BTBD7: variants seen among roughly 807,000 people sequenced by gnomAD.
BTBD7 encodes BTB domain containing 7.
Under a neutral mutation model 99.9 loss-of-function variants are expected in BTBD7, and 38 were observed. The observed-to-expected ratio is 0.38, with a 90% CI of 0.29 to 0.50. The LOEUF (loss-of-function observed/expected upper bound fraction) is 0.50, where lower values mean the gene tolerates loss of function less well. Ranked by LOEUF, BTBD7 falls within the 20% of genes least tolerant of loss-of-function variation. The probability of loss-of-function intolerance (pLI) is 0.93; values close to 1 mark genes in which losing one functional copy is unlikely to be tolerated. For missense variants in BTBD7, 1,170 were observed against 1,394.6 expected (o/e 0.84, Z 2.57); for synonymous variants, 520 against 511.4 (o/e 1.02, Z -0.23).
chr14:93,287,228 C>CAAA (rs528012658), intron 3 of BTBD7, among the ~76,000 whole-genome samples: 56 of 126,852 alleles, frequency 4.4e-4, no homozygotes, highest in African/African-American at 1.7e-3. Flanking sequence ...GACTCTGTCT[C>CAAA]AAAAAAAAAA....
rs1325008416 is a variant in BTBD7, at chr14:93,240,752, A to G, written c.*1521T>C. 1 of 152,668 alleles carries G rather than the reference A, an allele frequency of 6.6e-6. No homozygotes were observed. Among genetic ancestry groups the G allele is most frequent in the Non-Finnish European group, 1.5e-5 (1 of 68,046 alleles). 9.5% of individuals were successfully genotyped at this position (152,668 alleles called of 1,614,324 possible). On this transcript the variant is annotated 3_prime_UTR_variant, in exon 11 of 11. Transcript: ENST00000334746. The stretch of plus-strand genomic sequence containing the variant: ...GAGAGTAAGAAAAAAAACAGTCCTT[A>G]GCTCACACATTGCCCTTCCAAGGGA...
At chr14:93,276,928 A>G (rs61245829) in intron 3 of BTBD7, among the ~76,000 whole-genome samples, 25,878 of 120,680 alleles carry the variant, frequency 0.21, 3,804 homozygotes, top group African/African-American at 0.45. Flanking sequence ...TTGAGATGGA[A>G]TCTCACTCTG....
At chr14:93,276,665 C>T (rs1235552707) in intron 3 of BTBD7, among the ~76,000 whole-genome samples, 1 of 152,074 alleles carries the variant, frequency 6.6e-6, no homozygotes, top group Non-Finnish European at 1.5e-5. Flanking sequence ...GGGAAAGAGG[C>T]AATCACTGAG....
chr14:93,277,038 AT>A (rs2052664310), intron 3 of BTBD7, among the ~76,000 whole-genome samples: 1 of 150,480 alleles, frequency 6.6e-6, no homozygotes, highest in Admixed American at 6.7e-5. Context: ...AGTAGCTCGG[AT>A]TACAGGCACG....
intron 1 of BTBD7, among the ~76,000 whole-genome samples, chr14:93,315,440 TG>T (rs1273327762): frequency 1.3e-5 from 2 of 152,232 alleles, no homozygotes; most frequent in Non-Finnish European, 2.9e-5. Context: ...GACTTTTTAC[TG>T]AATTTCTTGA....
At chr14:93,298,204 TCTTA>T (rs2139776578) in intron 1 of BTBD7, among the ~76,000 whole-genome samples, 1 of 152,286 alleles carries the variant, frequency 6.6e-6, no homozygotes, top group Non-Finnish European at 1.5e-5. Flanking sequence ...AATTTACTAC[TCTTA>T]CTTTAACACG....
intron 1 of BTBD7, among the ~76,000 whole-genome samples, chr14:93,297,489 ATAT>A (rs2052943418): frequency 6.6e-6 from 1 of 152,118 alleles, no homozygotes; most frequent in Non-Finnish European, 1.5e-5. Context: ...TGCCTGGCTA[ATAT>A]TTGTATTTTT....
chr14:93,290,685 AT>A (rs1412804360), intron 3 of BTBD7, among the ~76,000 whole-genome samples: 3 of 144,364 alleles, frequency 2.1e-5, no homozygotes, highest in Non-Finnish European at 4.6e-5. Context: ...ACCCAGCTAA[AT>A]TTTTTTGTAT....
chr14:93,260,642 C>T (rs1055024230), intron 5 of BTBD7, among the ~76,000 whole-genome samples: 19 of 152,124 alleles, frequency 1.2e-4, no homozygotes, highest in Non-Finnish European at 2.9e-5. Context: ...CAACCTCTGC[C>T]TCCCGGGTTC....
Position 93,294,579 on chromosome 14 carries a change from T to C in BTBD7, c.441A>G (p.Ile147Met), listed in dbSNP as rs780340179. 8.7e-6 allele frequency: 14 copies of C among 1,613,780 alleles called. No homozygotes were observed. The highest frequency in any genetic ancestry group is 7.7e-5 in the South Asian group (7 of 91,040). Residue 147 changes from isoleucine to methionine, a missense_variant, in exon 3 of 11, where the codon ATA becomes ATG. Physicochemically the swap from Ile to Met is conservative, Grantham distance 10 (BLOSUM62 1). Coordinates refer to ENST00000334746, the MANE Select transcript of BTBD7 (RefSeq NM_001002860.4). Reference protein sequence around the residue: ...EYKYCTDVDLIFQETCFPVHR... With the variant: ...EYKYCTDVDLMFQETCFPVHR... ...GAACAGGAAAACAAGTTTCTTGAAATATTAAGTCTACATCAGTACAATACT... is the reference window on the plus strand; with the variant it reads ...GAACAGGAAAACAAGTTTCTTGAAACATTAAGTCTACATCAGTACAATACT...
intron 3 of BTBD7, among the ~76,000 whole-genome samples, chr14:93,271,275 A>G (rs374036696): frequency 1.3e-5 from 2 of 152,156 alleles, no homozygotes; most frequent in Admixed American, 6.5e-5. Flanking sequence ...TTGTTTCACC[A>G]ATACCAGTGG....
chr14:93,277,478 C>G (rs1047432340), intron 3 of BTBD7, among the ~76,000 whole-genome samples: 2 of 152,164 alleles, frequency 1.3e-5, no homozygotes, highest in Non-Finnish European at 2.9e-5. Flanking sequence ...TATATGCAGG[C>G]ATCTTGCTGG....
intron 9 of BTBD7, among the ~76,000 whole-genome samples, 196 bp from the exon 10 acceptor site, chr14:93,246,482 C>A (rs1371353270): frequency 6.6e-6 from 1 of 152,204 alleles, no homozygotes; most frequent in East Asian, 1.9e-4. Flanking sequence ...CAGAGTGCAG[C>A]CTAGGACACA....
intron 3 of BTBD7, among the ~76,000 whole-genome samples, chr14:93,268,314 TTGTC>T (rs1337658627): frequency 8.5e-5 from 13 of 152,194 alleles, no homozygotes; most frequent in Non-Finnish European, 1.5e-4. Flanking sequence ...TACCCTGTGT[TTGTC>T]TGTAACAGCA....
Position 93,293,845 on chromosome 14 carries a change from C to A in BTBD7, c.1162+13G>T. On this transcript the variant is annotated intron_variant, in intron 3 of 10. Coordinates refer to ENST00000334746, the MANE Select transcript of BTBD7 (RefSeq NM_001002860.4). ...AATTCTATAAATCAGAATTAAAAAC[C>A]AGAACTTCATACCTTGTGCAAGCAT... The A allele has an allele frequency of 6.3e-7, 1 of 1,580,990 alleles. No individual in the cohort carries two copies. The highest frequency in any genetic ancestry group is 8.6e-7 in the Non-Finnish European group (1 of 1,167,700).
At chr14:93,299,038 G>A (rs2052962490) in intron 1 of BTBD7, among the ~76,000 whole-genome samples, 1 of 152,196 alleles carries the variant, frequency 6.6e-6, no homozygotes, top group South Asian at 2.1e-4. Context: ...AGGATGAACT[G>A]ATTTGGGGAC....
At chr14:93,290,381 T>C (rs1013628081) in intron 3 of BTBD7, among the ~76,000 whole-genome samples, 3 of 149,728 alleles carry the variant, frequency 2.0e-5, no homozygotes, top group South Asian at 4.2e-4. Context: ...CCCAGCTAAT[T>C]TATTGTATTT....
At chr14:93,273,097 C>T (rs2052617765) in intron 3 of BTBD7, among the ~76,000 whole-genome samples, 1 of 152,150 alleles carries the variant, frequency 6.6e-6, no homozygotes, top group African/African-American at 2.4e-5. Flanking sequence ...CTACCTTACT[C>T]ACTGACCAAA....
In BTBD7 at chr14:93,248,575, A is replaced by G. The variant is rs760759223; in HGVS notation, c.2022T>C (p.Tyr674=). 2 of 1,614,144 alleles carry G rather than the reference A, an allele frequency of 1.2e-6. No individual in the cohort carries two copies. The highest frequency in any genetic ancestry group is 4.5e-5 in the East Asian group (2 of 44,888). The change falls in exon 9 of 11, where the codon TAT becomes TAC. Residue 674 remains tyrosine, a synonymous_variant. Transcript: ENST00000334746. ...TGGCGCCTTCCCCGCAGTTCAGGGC[A>G]TAGGCCCTCTGCACCTGCTCCGTGT... ...LRHTEQVQRA[Y]ALNCGEGATV...
Sources: gnomAD v4.1 joint callset for allele counts (sites outside exome capture counted in the v4.1 genomes callset) on GRCh38, gnomAD v4.1.1 for gene constraint, MANE v1.5 for transcripts, NCBI Gene and HGNC (gene_info 2026-07-23, HGNC 2026-07-21) for gene names.